VPS13D: variants seen among roughly 807,000 people sequenced by gnomAD.
The protein encoded by VPS13D is vacuolar protein sorting 13 homolog D, also known as intermembrane lipid transfer protein VPS13D.
A neutral mutation model predicts 461.9 loss-of-function variants in VPS13D; 187 were observed. The observed-to-expected ratio is 0.40, with a 90% CI of 0.36 to 0.46. The LOEUF (loss-of-function observed/expected upper bound fraction) is 0.46. Ranked by LOEUF, VPS13D falls within the 20% of genes least tolerant of loss-of-function variation. The pLI is 0.60. For synonymous variants in VPS13D, 1,951 were observed against 1,986.3 expected, an observed-to-expected ratio of 0.98 and a Z score of 0.47; for missense variants, 4,711 against 5,364.9, an observed-to-expected ratio of 0.88 and a Z score of 3.81.
At chr1:12,313,210 TCTGTA>T (rs1642802363) in intron 29 of VPS13D, among the ~76,000 whole-genome samples, 1 of 152,074 alleles carries the variant, frequency 6.6e-6, no homozygotes, top group African/African-American at 2.4e-5. Context: ...TCCGCCACGG[TCTGTA>T]CCTAACTCAG....
chr1:12,381,928 T>TA (rs1425839753), intron 57 of VPS13D, among the ~76,000 whole-genome samples: 3 of 87,328 alleles, frequency 3.4e-5, no homozygotes, highest in Non-Finnish European at 6.5e-5. Context: ...TTTCTTTTCT[T>TA]TCTTTCTTTC....
chr1:12,383,112 T>C lies in VPS13D; in HGVS notation c.11327T>C (p.Leu3776Ser). ...NQKMRPGSGM[L>S]SIRVIPDGPT... ...AAAATGAGACCTGGTTCTGGAATGT[T>C]ATCCATCAGAGTCATCCCAGATGGA... is the stretch of plus-strand genomic sequence containing the variant. Residue 3776 changes from leucine (L) to serine (S), a missense_variant, in exon 58 of 70, where the codon TTA becomes TCA. Coordinates refer to ENST00000620676, the MANE Select transcript of VPS13D (RefSeq NM_015378.4). 6.2e-7 allele frequency: 1 copy of C among 1,614,192 alleles called. No homozygotes were observed. The highest frequency in any genetic ancestry group is 8.5e-7 in the Non-Finnish European group (1 of 1,180,024).
intron 13 of VPS13D, among the ~76,000 whole-genome samples, chr1:12,266,049 G>A (rs891972285): frequency 6.6e-6 from 1 of 152,130 alleles, no homozygotes; most frequent in Non-Finnish European, 1.5e-5. Context: ...TGTAGTCCTA[G>A]CTACGTGGCA....
At chr1:12,475,841 A>G (rs528867779) in intron 67 of VPS13D, among the ~76,000 whole-genome samples, 2 of 152,332 alleles carry the variant, frequency 1.3e-5, no homozygotes, top group South Asian at 4.1e-4. Flanking sequence ...TCGTGGAGGT[A>G]CTTGAATGTT....
intron 16 of VPS13D, among the ~76,000 whole-genome samples, chr1:12,269,440 TG>T (rs1641369180): frequency 6.6e-6 from 1 of 152,256 alleles, no homozygotes; most frequent in South Asian, 2.1e-4. Flanking sequence ...ATCTGCATCT[TG>T]GAACTGAAAA....
chr1:12,288,618 A>G (rs535530831), intron 22 of VPS13D, among the ~76,000 whole-genome samples: 2 of 151,224 alleles, frequency 1.3e-5, no homozygotes, highest in African/African-American at 4.9e-5. Flanking sequence ...TGTTTTCAAC[A>G]GACTCTATCT....
chr1:12,328,571 G>A lies in VPS13D; in HGVS notation c.8197+717G>A, dbSNP rs560374424. Reference sequence around the variant, plus strand: ...TTTTTTTTTTATGAGACGGAGTTTCGCTCTTGTTGCCCAGGCTGGAGTGCA... The same window carrying A: ...TTTTTTTTTTATGAGACGGAGTTTCACTCTTGTTGCCCAGGCTGGAGTGCA... On this transcript the variant is annotated intron_variant, in intron 36 of 69. Transcript: ENST00000620676. Among the ~76,000 whole-genome samples, 14 of 151,770 alleles carry A rather than the reference G, an allele frequency of 9.2e-5. No individual in the cohort carries two copies. In the East Asian group the frequency reaches 2.5e-3, roughly 27 times the overall value.
chr1:12,433,271 CAAAA>C (rs886697637), intron 65 of VPS13D, among the ~76,000 whole-genome samples: 2 of 148,166 alleles, frequency 1.3e-5, no homozygotes, highest in African/African-American at 2.5e-5. Context: ...AAAAAAAAAA[CAAAA>C]AAACAAAAAA....
chr1:12,398,350 T>C lies in VPS13D; in HGVS notation c.11635-1831T>C, dbSNP rs77856229. 5.5e-3 allele frequency among the ~76,000 whole-genome samples: 831 copies of C among 152,192 alleles called. 7 individuals are homozygous for C. The highest frequency in any genetic ancestry group is 0.018 in the African/African-American group (756 of 41,546). ...AGCTGTGCGAATGAGGGCAAGTAGT[T>C]TAACTTTTTTTTCTTTTTTTTTTTT... On this transcript the variant is annotated intron_variant, in intron 60 of 69. Coordinates refer to ENST00000620676, the MANE Select transcript of VPS13D (RefSeq NM_015378.4).
At chr1:12,414,074 A>G (rs1644765122) in intron 63 of VPS13D, among the ~76,000 whole-genome samples, 1 of 152,178 alleles carries the variant, frequency 6.6e-6, no homozygotes, top group Non-Finnish European at 1.5e-5. Context: ...GCTTGAGCCC[A>G]GGTGTTTGAG....
intron 65 of VPS13D, among the ~76,000 whole-genome samples, chr1:12,429,454 G>A (rs1644965305): frequency 6.6e-6 from 1 of 152,102 alleles, no homozygotes; most frequent in Non-Finnish European, 1.5e-5. Context: ...CACCATGCCA[G>A]GCTAATTTTT....
In VPS13D at chr1:12,502,809, T is replaced by C. The variant is rs892125529; in HGVS notation, c.12795-4044T>C. Reference sequence around the variant, plus strand: ...AGAGGATGTGTGGGGAAAGGAGGGGTCATCCCCCACAGGTTTGGGGTAACT... The same window carrying C: ...AGAGGATGTGTGGGGAAAGGAGGGGCCATCCCCCACAGGTTTGGGGTAACT... On this transcript the variant is annotated intron_variant, in intron 68 of 69. Coordinates refer to ENST00000620676, the MANE Select transcript of VPS13D (RefSeq NM_015378.4). This position sits in a 1 kb window ranked among gnomAD's most constrained non-coding sequence, Gnocchi z 4.3. Among the ~76,000 whole-genome samples, 6 of 151,750 alleles carry C rather than the reference T, an allele frequency of 4.0e-5. No individual in the cohort carries two copies. The highest frequency in any genetic ancestry group is 9.7e-5 in the African/African-American group (4 of 41,282).
chr1:12,410,229 A>C (rs879892004), intron 63 of VPS13D, among the ~76,000 whole-genome samples: 3 of 152,256 alleles, frequency 2.0e-5, no homozygotes, highest in Non-Finnish European at 4.4e-5. Context: ...TAAGAGGCTG[A>C]AGAACTTAAA....
At chr1:12,268,669 C>T (rs780355948) in intron 15 of VPS13D, 37 bp from the exon 16 acceptor site, 2 of 1,590,340 alleles carry the variant, frequency 1.3e-6, no homozygotes, top group East Asian at 4.5e-5. Context: ...ATAGTTTTTG[C>T]CTTGTTCCGT....
At chr1:12,312,063 C>T in intron 29 of VPS13D, 138 bp downstream of exon 29, 1 of 686,262 alleles carries the variant, frequency 1.5e-6, no homozygotes, top group Admixed American at 2.8e-5. Flanking sequence ...TTTGGTTGAT[C>T]TACACAGTGC....
chr1:12,371,500 C>T (rs1240977341), intron 54 of VPS13D, among the ~76,000 whole-genome samples: 2 of 151,462 alleles, frequency 1.3e-5, no homozygotes, highest in African/African-American at 2.4e-5. Context: ...AAGCGATTCT[C>T]CTGCCTCAGA....
chr1:12,276,010 T>C lies in VPS13D; in HGVS notation c.2422T>C (p.Leu808=). ...EFSEEQLQAH[L]MSTKMYERYS... Reference sequence around the variant, plus strand: ...CAGTGAAGAACAGCTTCAAGCACATTTAATGAGCACAAAGATGTATGAGAG... The same window carrying C: ...CAGTGAAGAACAGCTTCAAGCACATCTAATGAGCACAAAGATGTATGAGAG... Residue 808 remains leucine (L), a synonymous_variant, in exon 19 of 70, where the codon TTA becomes CTA. Transcript: ENST00000620676. This position sits in a 1 kb window ranked among gnomAD's most constrained non-coding sequence, Gnocchi z 4.5. 3.1e-6 allele frequency: 5 copies of C among 1,613,798 alleles called. No individual in the cohort carries two copies. The highest frequency in any genetic ancestry group is 4.2e-6 in the Non-Finnish European group (5 of 1,180,006).
At chr1:12,237,893 C>T (rs568788625) in intron 2 of VPS13D, among the ~76,000 whole-genome samples, 260 of 152,094 alleles carry the variant, frequency 1.7e-3, no homozygotes, top group Middle Eastern at 0.01. Flanking sequence ...TGGTGGCTTA[C>T]GCCTGTAATT....
chr1:12,234,395 A>T (rs776712563), intron 2 of VPS13D, 32 bp downstream of exon 2: 3 of 1,550,668 alleles, frequency 1.9e-6, no homozygotes, highest in East Asian at 4.5e-5. Context: ...ATACAGCTTT[A>T]TAGGTGGCGT....
Sources: allele counts gnomAD v4.1 joint callset (sites outside exome capture counted in the v4.1 genomes callset), GRCh38; gene constraint gnomAD v4.1.1; non-coding constraint Gnocchi (gnomAD v3.1); transcripts MANE v1.5; gene names NCBI Gene and HGNC (gene_info 2026-07-23, HGNC 2026-07-21).